Variants in BTD observed in about 807,000 individuals in gnomAD.
The protein encoded by BTD is biotinidase.
BTD carries 13 observed loss-of-function variants against 17.7 expected under a neutral mutation model. The ratio of observed to expected loss-of-function variants is 0.74; its 90% CI spans 0.48 to 1.17. The LOEUF (loss-of-function observed/expected upper bound fraction) is 1.17. Among genes scored for constraint, BTD ranks in the 50% most tolerant of loss-of-function variants. The pLI is 0.00. For missense variants in BTD, 674 were observed against 650.4 expected, an observed-to-expected ratio of 1.04 and a Z score of -0.39; for synonymous variants, 240 against 245.2, an observed-to-expected ratio of 0.98 and a Z score of 0.20.
At chr3:15,619,420 T>C (rs1487032307) in intron 1 of BTD, among the ~76,000 whole-genome samples, 2 of 152,210 alleles carry the variant, frequency 1.3e-5, no homozygotes, top group African/African-American at 4.8e-5. Flanking sequence ...TCCTAGGCCA[T>C]GTGATCTTTC....
chr3:15,620,857 A>G (rs1187989502), intron 1 of BTD, among the ~76,000 whole-genome samples: 1 of 152,260 alleles, frequency 6.6e-6, no homozygotes, highest in Non-Finnish European at 1.5e-5. Flanking sequence ...GAGATTTATT[A>G]GAGGAATTGG....
At chr3:15,655,758 GA>G (rs1359958549), downstream of BTD, among the ~76,000 whole-genome samples, 3 of 152,184 alleles carry the variant, frequency 2.0e-5, no homozygotes, top group African/African-American at 7.2e-5. Flanking sequence ...TAGTAAATAA[GA>G]AACGAAACAG....
chr3:15,640,439 G>A (rs1196587805), intron 2 of BTD, among the ~76,000 whole-genome samples: 1 of 150,944 alleles, frequency 6.6e-6, no homozygotes, highest in Non-Finnish European at 1.5e-5. Context: ...CACCCAGGCT[G>A]GAGTGCAATG....
chr3:15,620,958 C>G (rs1223870043), intron 1 of BTD, among the ~76,000 whole-genome samples: 14 of 152,378 alleles, frequency 9.2e-5, no homozygotes, highest in East Asian at 1.9e-4. Flanking sequence ...CAGTCCAAGG[C>G]CGAAGGCCTG....
At chr3:15,625,806 C>T (rs1413350000) in intron 1 of BTD, among the ~76,000 whole-genome samples, 2 of 152,160 alleles carry the variant, frequency 1.3e-5, no homozygotes, top group Non-Finnish European at 2.9e-5. Context: ...CTGCCTGCCT[C>T]GGCCTCCCAA....
rs2071986917 is a variant in BTD, at chr3:15,709,882, T to C, written c.400-178T>C. ...TTTACATTCTATGAAGAATAAAACATTGAAATTCATCTTATCTAGAATTTA... is the reference window on the plus strand; with the variant it reads ...TTTACATTCTATGAAGAATAAAACACTGAAATTCATCTTATCTAGAATTTA... On this transcript the variant is annotated intron_variant, in intron 3 of 3. Transcript: ENST00000672141. The C allele has an allele frequency of 1.5e-5, 8 of 548,282 alleles. No individual in the cohort carries two copies. In the East Asian group the frequency reaches 1.9e-4, roughly 13 times the overall value. 34.0% of individuals were successfully genotyped at this position (548,282 alleles called of 1,614,324 possible).
intron 3 of BTD, chr3:15,707,893 G>A (rs998800723): frequency 2.5e-6 from 4 of 1,583,612 alleles, no homozygotes; most frequent in Middle Eastern, 1.7e-4. Flanking sequence ...TAGAAATATT[G>A]ATCCTCCACT....
intron 1 of BTD, among the ~76,000 whole-genome samples, chr3:15,622,724 T>C (rs2064981821): frequency 9.0e-6 from 1 of 110,678 alleles, no homozygotes; most frequent in Non-Finnish European, 1.8e-5. Flanking sequence ...TCATGTATTT[T>C]GATGTTCCAT....
chr3:15,612,266 C>T (rs778187799), intron 1 of BTD, among the ~76,000 whole-genome samples: 1 of 152,124 alleles, frequency 6.6e-6, no homozygotes, highest in African/African-American at 2.4e-5. Context: ...GAAGATTACC[C>T]TCTATGCATT....
rs1315586524 is a variant in BTD at position 15,649,509 on chromosome 3, A to C, written c.*4021A>C. ...GCTCTCCCGTTTCTCACCTCCCAAC[A>C]GTTGCTGTTCCTCAGGCCAAAGTTC... On this transcript the variant is annotated 3_prime_UTR_variant, in exon 4 of 4. Coordinates refer to ENST00000643237, the MANE Select transcript of BTD (RefSeq NM_001370658.1). Among the ~76,000 whole-genome samples the C allele has an allele frequency of 6.6e-6, 1 of 152,148 alleles. No individual in the cohort carries two copies. The highest frequency in any genetic ancestry group is 1.5e-5 in the Non-Finnish European group (1 of 68,020).
At chr3:15,641,764 T>A (rs186080094) in intron 2 of BTD, 144 bp from the exon 3 acceptor site, 25 of 696,904 alleles carry the variant, frequency 3.6e-5, no homozygotes, top group Admixed American at 1.6e-4. Flanking sequence ...CTGAGGAGAG[T>A]AAAGACACCA....
chr3:15,695,201 G>A, intron 3 of BTD: 1 of 1,593,294 alleles, frequency 6.3e-7, no homozygotes. Context: ...ATCTAGAGGA[G>A]TTTCACTTGC....
chr3:15,625,015 C>T (rs1421168167), intron 1 of BTD, among the ~76,000 whole-genome samples: 2 of 152,224 alleles, frequency 1.3e-5, no homozygotes, highest in Non-Finnish European at 2.9e-5. Flanking sequence ...TGAGCCACCG[C>T]ACCTGGCCTA....
chr3:15,685,232 A>G (rs1257452173), intron 3 of BTD: 7 of 1,613,902 alleles, frequency 4.3e-6, no homozygotes, highest in Non-Finnish European at 5.9e-6. Context: ...TAACCATTGT[A>G]GCAAGCCCAG....
intron 1 of BTD, among the ~76,000 whole-genome samples, chr3:15,609,078 A>G (rs549099744): frequency 6.6e-6 from 1 of 152,370 alleles, no homozygotes; most frequent in African/African-American, 2.4e-5. Context: ...GGACATCTTC[A>G]TGATGAACTT....
At chr3:15,683,342 A>C (rs1490210423) in intron 3 of BTD, among the ~76,000 whole-genome samples, 1 of 152,200 alleles carries the variant, frequency 6.6e-6, no homozygotes, top group Non-Finnish European at 1.5e-5. Context: ...GTCAAGTCAC[A>C]TTACAGAAAC....
chr3:15,688,062 T>C (rs370066960), intron 3 of BTD, among the ~76,000 whole-genome samples: 160 of 152,252 alleles, frequency 1.1e-3, no homozygotes, highest in African/African-American at 3.8e-3. Context: ...GAGTAACCTG[T>C]GGTTCTTTTT....
At chr3:15,700,547 G>A (rs531145103) in intron 3 of BTD, among the ~76,000 whole-genome samples, 6 of 152,132 alleles carry the variant, frequency 3.9e-5, no homozygotes, top group East Asian at 1.9e-4. Flanking sequence ...AGGCTGAGGC[G>A]GGCAGATCAT....
chr3:15,641,772 C>T, intron 2 of BTD, 136 bp from the exon 3 acceptor site: 2 of 711,678 alleles, frequency 2.8e-6, no homozygotes, highest in Non-Finnish European at 5.0e-6. Flanking sequence ...AGTAAAGACA[C>T]CATCTCTGTG....
Sources: allele counts gnomAD v4.1 joint callset (sites outside exome capture counted in the v4.1 genomes callset), GRCh38; gene constraint gnomAD v4.1.1; transcripts MANE v1.5; gene names NCBI Gene and HGNC (gene_info 2026-07-23, HGNC 2026-07-21).